PHKA2: variants seen among roughly 807,000 people sequenced by gnomAD.
The protein encoded by PHKA2 is phosphorylase b kinase regulatory subunit alpha, liver isoform.
Under a neutral mutation model 102.0 loss-of-function variants are expected in PHKA2, and 31 were observed. The ratio of observed to expected loss-of-function variants is 0.30; its 90% CI spans 0.23 to 0.41. The LOEUF is 0.41. Among genes scored for constraint, PHKA2 ranks in the 10% least tolerant of loss-of-function variants. The pLI, the probability that PHKA2 is intolerant of heterozygous loss-of-function variation, is 1.00. For synonymous variants in PHKA2, 455 were observed against 416.2 expected, an observed-to-expected ratio of 1.09 and a Z score of -1.13; for missense variants, 858 against 1,023.1, an observed-to-expected ratio of 0.84 and a Z score of 2.20.
chrX:18,930,626 G>A (rs916352563), intron 12 of PHKA2, among the ~76,000 whole-genome samples: 1 of 111,142 alleles, frequency 9.0e-6, no homozygotes, highest in Non-Finnish European at 1.9e-5. Context: ...AGACCTGCCC[G>A]GGATCAGAGA....
intron 5 of PHKA2, among the ~76,000 whole-genome samples, chrX:18,946,481 A>ATC (rs927171477): frequency 2.7e-5 from 3 of 111,022 alleles, no homozygotes; most frequent in East Asian, 2.8e-4. Flanking sequence ...TCACATTCAC[A>ATC]TCTCTCTCTC....
chrX:18,904,967 G>A (rs930903238), intron 26 of PHKA2, among the ~76,000 whole-genome samples: 4 of 111,596 alleles, frequency 3.6e-5, no homozygotes, highest in African/African-American at 9.8e-5. Flanking sequence ...GCAGGGTTCC[G>A]GTTCAGATAA....
chrX:18,899,258 A>T, intron 28 of PHKA2, 32 bp from the exon 29 acceptor site: 11 of 1,140,680 alleles, frequency 9.6e-6, no homozygotes, highest in Non-Finnish European at 1.3e-5. Context: ...CTCAGTTGAC[A>T]GCAATGACAC....
chrX:18,970,126 C>T (rs1429078081), intron 1 of PHKA2, among the ~76,000 whole-genome samples: 2 of 111,686 alleles, frequency 1.8e-5, no homozygotes, highest in Non-Finnish European at 3.8e-5. Flanking sequence ...GTAGTCCCAG[C>T]TACTGGGGAG....
intron 20 of PHKA2, among the ~76,000 whole-genome samples, chrX:18,909,215 A>G (rs1256534993): frequency 8.9e-6 from 1 of 112,218 alleles, no homozygotes; most frequent in African/African-American, 3.2e-5. Flanking sequence ...CTCTGGTGTT[A>G]GGAATCATGA....
chrX:18,895,629 G>A, intron 30 of PHKA2: 1 of 176,533 alleles, frequency 5.7e-6, no homozygotes, highest in Admixed American at 6.9e-5. Flanking sequence ...AAAGCCTCCA[G>A]CACATGCACA....
chrX:18,899,634 T>TTA (rs1376809659), intron 28 of PHKA2, among the ~76,000 whole-genome samples: 11 of 111,755 alleles, frequency 9.8e-5, no homozygotes, highest in Admixed American at 6.6e-4. Context: ...GACACTAACA[T>TTA]GCTGCACCTA....
intron 28 of PHKA2, among the ~76,000 whole-genome samples, chrX:18,900,038 C>T (rs1480801074): frequency 9.0e-6 from 1 of 110,995 alleles, no homozygotes; most frequent in Non-Finnish European, 1.9e-5. Flanking sequence ...GAGTGGCTGG[C>T]AAGGGAAGAT....
At chrX:18,895,039 G>C (rs1345448512) in intron 31 of PHKA2, 99 bp downstream of exon 31, 8 of 834,826 alleles carry the variant, frequency 9.6e-6, no homozygotes, top group South Asian at 6.1e-5. Context: ...CTGTCAATTA[G>C]AATGAGCCCA....
chrX:18,979,404 C>T (rs1385478161), intron 1 of PHKA2, among the ~76,000 whole-genome samples: 1 of 111,797 alleles, frequency 8.9e-6, no homozygotes, highest in African/African-American at 3.3e-5. Flanking sequence ...TCTGTCGTTA[C>T]AGTGAACACT....
In PHKA2 at chrX:18,918,826, G is replaced by T. The variant is rs1439065634; in HGVS notation, c.1992C>A (p.Ile664=). ...ACGATGTGCTTTGCAGAAGGTGGTT[G>T]ATATAATGGTCAAGTTCGTCTTGGC... ...QESQDELDHY[I]NHLLQSTSLR... The change falls in exon 19 of 33, where the codon ATC becomes ATA. Residue 664 remains isoleucine (I), a synonymous_variant. Transcript: ENST00000379942. 2.1e-5 allele frequency: 25 copies of T among 1,209,150 alleles called. No individual in the cohort carries two copies. Among genetic ancestry groups the T allele is most frequent in the Non-Finnish European group, 2.8e-5 (25 of 894,679 alleles).
At position 18,893,583 on chromosome X, in the gene PHKA2, C is replaced by T. The variant is rs748453047; in HGVS notation, c.3610G>A (p.Ala1204Thr). 3.1e-5 allele frequency: 37 copies of T among 1,209,803 alleles called. No homozygotes were observed. The highest frequency in any genetic ancestry group is 3.9e-5 in the Non-Finnish European group (35 of 894,556). The change falls in exon 33 of 33, where the codon GCT becomes ACT. Residue 1204 changes from alanine to threonine, a missense_variant. Ala to Thr is a moderately conservative substitution (Grantham distance 58). Transcript: ENST00000379942. ...ATCGTCCCATAAGCCCCACTCGGAGCGCTGTCATAAAAGAAGTGGCAGATT... is the reference window on the plus strand; with the variant it reads ...ATCGTCCCATAAGCCCCACTCGGAGTGCTGTCATAAAAGAAGTGGCAGATT... ...TGICHFFYDS[A>T]PSGAYGTMTY...
In PHKA2 at chrX:18,931,763, A is replaced by C. The variant is rs199624054; in HGVS notation, c.1138-15T>G. 1.6e-4 allele frequency: 167 copies of C among 1,071,009 alleles called. 1 individual carries two copies. The highest frequency in any genetic ancestry group is 2.1e-4 in the Non-Finnish European group (159 of 768,039). 88.3% of individuals were successfully genotyped at this position (1,071,009 alleles called of 1,213,427 possible). A position where few individuals can be genotyped will look rare whatever the true frequency, so the allele number is the denominator to read the frequency against. The stretch of plus-strand genomic sequence containing the variant: ...TCTTCATCTACCTGGAAAGAGAGAC[A>C]AATCCAAAGTCAGAAAGTCAGAGGA... On this transcript the variant is annotated splice_polypyrimidine_tract_variant and intron_variant, in intron 11 of 32. Transcript: ENST00000379942.
At chrX:18,899,424 T>G (rs1262161695) in intron 28 of PHKA2, among the ~76,000 whole-genome samples, 198 bp from the exon 29 acceptor site, 2 of 112,713 alleles carry the variant, frequency 1.8e-5, no homozygotes, top group Non-Finnish European at 3.7e-5. Context: ...GGGCTTCGAC[T>G]CCACGTGAAA....
intron 1 of PHKA2, among the ~76,000 whole-genome samples, chrX:18,955,952 T>C (rs185989522): frequency 5.2e-4 from 59 of 112,632 alleles, no homozygotes; most frequent in Non-Finnish European, 7.7e-4. Flanking sequence ...TCAACCAGAA[T>C]TGAAACCTAG....
At chrX:18,941,971 T>C (rs1569320511) in intron 7 of PHKA2, among the ~76,000 whole-genome samples, 1 of 112,122 alleles carries the variant, frequency 8.9e-6, no homozygotes, top group Non-Finnish European at 1.9e-5. Flanking sequence ...CTTTAGGACA[T>C]GTAGGGGAGG....
In PHKA2 at chrX:18,983,915, A is replaced by G. The variant is rs954792469; in HGVS notation, c.18T>C (p.Asn6=). The G allele has an allele frequency of 6.6e-6, 8 of 1,210,779 alleles. No individual in the cohort carries two copies. Among genetic ancestry groups the G allele is most frequent in the Non-Finnish European group, 8.9e-6 (8 of 894,454 alleles). MRSRS[N]SGVRLDGYAR... ...CGTACCCGTCCAAGCGGACCCCGGAATTGCTCCTGCTCCGCATCTCCCCGA... is the reference window on the plus strand; with the variant it reads ...CGTACCCGTCCAAGCGGACCCCGGAGTTGCTCCTGCTCCGCATCTCCCCGA... The change falls in exon 1 of 33, where the codon AAT becomes AAC. Residue 6 remains asparagine (N), a synonymous_variant. Transcript: ENST00000379942.
intron 17 of PHKA2, 53 bp from the exon 18 acceptor site, chrX:18,920,254 A>G (rs1418397517): frequency 1.7e-6 from 1 of 600,908 alleles, no homozygotes; most frequent in Admixed American, 2.2e-5. Flanking sequence ...ATAACCTTCC[A>G]CTATGAATCA....
At chrX:18,932,741 G>C (rs867336796) in intron 11 of PHKA2, among the ~76,000 whole-genome samples, 1 of 110,840 alleles carries the variant, frequency 9.0e-6, no homozygotes, top group Non-Finnish European at 1.9e-5. Context: ...CAGAATCCTA[G>C]ATGTTTTGTC....
Sources: gnomAD v4.1 joint callset for allele counts (sites outside exome capture counted in the v4.1 genomes callset) on GRCh38, gnomAD v4.1.1 for gene constraint, MANE v1.5 for transcripts, NCBI Gene and HGNC (gene_info 2026-07-23, HGNC 2026-07-21) for gene names.